Variants in FCRL1 observed in about 807,000 individuals in gnomAD.
FCRL1 encodes Fc receptor like 1.
Under a neutral mutation model 49.2 loss-of-function variants are expected in FCRL1, and 34 were observed. The observed-to-expected ratio is 0.69, with a 90% CI of 0.53 to 0.92. The LOEUF is 0.92. FCRL1 is among the 40% of genes least tolerant of loss of function. The probability of loss-of-function intolerance (pLI) is 0.00; values close to 1 mark genes in which losing one functional copy is unlikely to be tolerated. For missense variants in FCRL1, 524 were observed against 524.1 expected, an observed-to-expected ratio of 1.00 and a Z score of 0.00; for synonymous variants, 218 against 201.6, an observed-to-expected ratio of 1.08 and a Z score of -0.69.
At chr1:157,797,188 A>C (rs956589723) in intron 9 of FCRL1, 56 bp from the exon 10 acceptor site, 22 of 1,536,298 alleles carry the variant, frequency 1.4e-5, no homozygotes, top group Non-Finnish European at 1.9e-5. Context: ...GTCCTTCACT[A>C]AACTTGTGTT....
chr1:157,804,205 G>A (rs1571367221), intron 2 of FCRL1, 94 bp from the exon 3 acceptor site: 3 of 1,483,246 alleles, frequency 2.0e-6, no homozygotes, highest in East Asian at 4.6e-5. Context: ...AAGACTCAAA[G>A]AAACAGCCAG....
intron 1 of FCRL1, 141 bp downstream of exon 1, chr1:157,819,866 G>A: frequency 1.1e-6 from 1 of 920,448 alleles, no homozygotes; most frequent in Non-Finnish European, 1.7e-6. Flanking sequence ...CTGACTCTGA[G>A]CCCTCCGTGG....
intron 1 of FCRL1, among the ~76,000 whole-genome samples, chr1:157,815,456 A>G (rs1005460865): frequency 6.6e-6 from 1 of 151,936 alleles, no homozygotes; most frequent in Non-Finnish European, 1.5e-5. Flanking sequence ...AGCAAAAGCA[A>G]TTCTGAAAGG....
In FCRL1 at chr1:157,797,604, G is replaced by A. The variant is rs528924810; in HGVS notation, c.1186+264C>T. The A allele has an allele frequency of 9.4e-5, 69 of 730,990 alleles. No homozygotes were observed. The East Asian group carries it at 1.6e-3, about 17-fold the overall frequency. 45.3% of individuals were successfully genotyped at this position (730,990 alleles called of 1,614,324 possible). ...GTGTTGGGAGGTCAGGAAGAGGTAA[G>A]CCATGGGATTTTTGCTCTTTCTAAG... On this transcript the variant is annotated intron_variant, in intron 9 of 10. Transcript: ENST00000368176.
rs546970268 is a variant in FCRL1 at position 157,810,300 on chromosome 1, CTTT to C, written c.32-3181_32-3179del. Among the ~76,000 whole-genome samples the C allele has an allele frequency of 2.6e-3, 375 of 146,144 alleles. 4 individuals are homozygous for C. The highest frequency in any genetic ancestry group is 8.0e-3 in the African/African-American group (321 of 39,946). ...ATAAGTAAATTTCTTTTTCTTTTTT[CTTT>C]TTTTTTTTTTTAAGACAGAGTCTCT... On this transcript the variant is annotated intron_variant, in intron 1 of 10. Coordinates refer to ENST00000368176, the MANE Select transcript of FCRL1 (RefSeq NM_052938.5).
At chr1:157,798,392 G>T in intron 7 of FCRL1, 149 bp from the exon 8 acceptor site, 1 of 672,284 alleles carries the variant, frequency 1.5e-6, no homozygotes. Context: ...CAGCAGTGTG[G>T]TATGAGTCAC....
intron 1 of FCRL1, among the ~76,000 whole-genome samples, chr1:157,813,371 A>G (rs966907492): frequency 6.6e-5 from 10 of 152,244 alleles, no homozygotes; most frequent in African/African-American, 2.4e-4. Context: ...TTTATGACCT[A>G]AACAGGAAAT....
chr1:157,798,070 C>G (rs1651827367), intron 8 of FCRL1, 91 bp downstream of exon 8: 1 of 1,513,936 alleles, frequency 6.6e-7, no homozygotes, highest in African/African-American at 1.4e-5. Flanking sequence ...TAGGGCACAG[C>G]AAAGTCAGGT....
intron 1 of FCRL1, among the ~76,000 whole-genome samples, chr1:157,807,748 A>C (rs762299790): frequency 6.6e-6 from 1 of 152,250 alleles, no homozygotes; most frequent in Non-Finnish European, 1.5e-5. Flanking sequence ...TCAATGATCA[A>C]GAAAAAATAA....
At chr1:157,806,522 G>A (rs1653478432) in intron 2 of FCRL1, 1 of 152,320 alleles carries the variant, frequency 6.6e-6, no homozygotes, top group Admixed American at 6.5e-5. Flanking sequence ...AATGAAGTAA[G>A]TTTGCATAAA....
At chr1:157,819,379 A>G (rs1424676138) in intron 1 of FCRL1, among the ~76,000 whole-genome samples, 1 of 151,876 alleles carries the variant, frequency 6.6e-6, no homozygotes, top group Non-Finnish European at 1.5e-5. Context: ...GCTATGGGGG[A>G]AGAGAGATGA....
chr1:157,818,082 T>C (rs1267865506), intron 1 of FCRL1, among the ~76,000 whole-genome samples: 1 of 152,198 alleles, frequency 6.6e-6, no homozygotes, highest in Non-Finnish European at 1.5e-5. Context: ...ACAGCCATTA[T>C]GGAAGACAGT....
intron 1 of FCRL1, among the ~76,000 whole-genome samples, chr1:157,815,308 A>G (rs1351393765): frequency 2.0e-5 from 3 of 151,966 alleles, no homozygotes; most frequent in Non-Finnish European, 4.4e-5. Context: ...TACTTCAGAA[A>G]CTTCACAAAT....
rs1166844335 is a variant in FCRL1 at position 157,794,668 on chromosome 1, T to C, written c.*1431A>G. ...ATTTGTTTGAACTTTGTTTTTATAATATGAATTTTTTGAGAGTCTCCTTAA... is the reference window on the plus strand; with the variant it reads ...ATTTGTTTGAACTTTGTTTTTATAACATGAATTTTTTGAGAGTCTCCTTAA... On this transcript the variant is annotated 3_prime_UTR_variant, in exon 11 of 11. Transcript: ENST00000368176. The C allele has an allele frequency of 6.6e-6, 1 of 152,236 alleles. No homozygotes were observed. The highest frequency in any genetic ancestry group is 1.5e-5 in the Non-Finnish European group (1 of 68,038). The allele number at this position is 152,236 out of a possible 1,614,324, so 9.4% of individuals were successfully genotyped here. A position where few individuals can be genotyped will look rare whatever the true frequency, so the allele number is the denominator to read the frequency against.
intron 1 of FCRL1, among the ~76,000 whole-genome samples, chr1:157,815,837 C>T (rs979048836): frequency 6.6e-6 from 1 of 151,770 alleles, no homozygotes; most frequent in African/African-American, 2.4e-5. Flanking sequence ...TATATGCAAA[C>T]AAGTTGGTAA....
At chr1:157,802,345 T>C (rs778706801) in intron 4 of FCRL1, 32 bp downstream of exon 4, 9 of 1,604,944 alleles carry the variant, frequency 5.6e-6, no homozygotes, top group Non-Finnish European at 7.7e-6. Context: ...AGTTTGTGAC[T>C]GGCTGGCTGA....
At chr1:157,801,310 C>A in intron 6 of FCRL1, 151 bp downstream of exon 6, 1 of 644,918 alleles carries the variant, frequency 1.6e-6, no homozygotes, top group South Asian at 1.8e-5. Flanking sequence ...TATTAATAGG[C>A]ACTGTTCCTA....
Position 157,795,710 on chromosome 1 carries a change from C to T in FCRL1, c.*389G>A, listed in dbSNP as rs928201634. ...CTTGGACTGAATGATGGGCACAGCT[C>T]TCTCTGTGAAGTCCTGCAGAGTCAC... On this transcript the variant is annotated 3_prime_UTR_variant, in exon 11 of 11. Transcript: ENST00000368176. 7 of 168,216 alleles carry T rather than the reference C, an allele frequency of 4.2e-5. No individual in the cohort carries two copies. Among genetic ancestry groups the T allele is most frequent in the African/African-American group, 1.7e-4 (7 of 42,142 alleles). The allele number at this position is 168,216 out of a possible 1,614,324, so 10.4% of individuals were successfully genotyped here.
intron 1 of FCRL1, among the ~76,000 whole-genome samples, chr1:157,816,246 T>C (rs1252096026): frequency 1.3e-5 from 2 of 151,882 alleles, no homozygotes; most frequent in African/African-American, 4.8e-5. Flanking sequence ...TAAAAATTCA[T>C]TTACCATGAT....
Sources: gnomAD v4.1 joint callset for allele counts (sites outside exome capture counted in the v4.1 genomes callset) on GRCh38, gnomAD v4.1.1 for gene constraint, MANE v1.5 for transcripts, NCBI Gene and HGNC (gene_info 2026-07-23, HGNC 2026-07-21) for gene names.